Variants in ANKEF1 observed in about 807,000 individuals in gnomAD.
The protein encoded by ANKEF1 is ankyrin repeat and EF-hand domain-containing protein 1.
Under a neutral mutation model 65.1 loss-of-function variants are expected in ANKEF1, and 43 were observed. The observed-to-expected ratio is 0.66, with a 90% CI of 0.52 to 0.85. The LOEUF is 0.85. Among genes scored for constraint, ANKEF1 ranks in the 40% least tolerant of loss-of-function variants. ANKEF1 has a pLI of 0.00. For missense variants in ANKEF1, 934 were observed against 952.9 expected (o/e 0.98, Z 0.26); for synonymous variants, 316 against 341.5 (o/e 0.93, Z 0.82).
At position 10,056,584 on chromosome 20, in the gene ANKEF1, G is replaced by A. The variant is rs1041132535; in HGVS notation, c.*924G>A. On this transcript the variant is annotated 3_prime_UTR_variant, in exon 11 of 11. Transcript: ENST00000378392. The stretch of plus-strand genomic sequence containing the variant: ...TTTACATAATTTTGGGCCCCAGATG[G>A]TTAAGTGCTAAATTTGTAGGGTAGG... The A allele has an allele frequency of 2.0e-5, 3 of 152,022 alleles. No homozygotes were observed. Among genetic ancestry groups the A allele is most frequent in the Non-Finnish European group, 2.9e-5 (2 of 68,016 alleles). 9.4% of individuals were successfully genotyped at this position (152,022 alleles called of 1,614,324 possible).
chr20:10,047,817 C>A (rs375267002), intron 6 of ANKEF1, among the ~76,000 whole-genome samples: 6 of 152,142 alleles, frequency 3.9e-5, no homozygotes, highest in African/African-American at 1.4e-4. Context: ...AGCTCCAAGT[C>A]AAAACGACAG....
At position 10,057,793 on chromosome 20, in the gene ANKEF1, T is replaced by C. The variant is rs185753731; in HGVS notation, c.*2133T>C. 6.6e-6 allele frequency: 1 copy of C among 152,364 alleles called. No homozygotes were observed. The highest frequency in any genetic ancestry group is 6.5e-5 in the Admixed American group (1 of 15,308). 9.4% of individuals were successfully genotyped at this position (152,364 alleles called of 1,614,324 possible). On this transcript the variant is annotated 3_prime_UTR_variant, in exon 11 of 11. Transcript: ENST00000378392. The stretch of plus-strand genomic sequence containing the variant: ...TAGACCTTATTCAGATTTTGCTATT[T>C]ATCCCAATAATTTCCTTTGTACTCC...
chr20:10,055,850 A>G lies in ANKEF1; in HGVS notation c.*190A>G. On this transcript the variant is annotated 3_prime_UTR_variant, in exon 11 of 11. Coordinates refer to ENST00000378392, the MANE Select transcript of ANKEF1 (RefSeq NM_022096.6). ...AAAGATGTATGTTATTTTGAAATGAATGGTATGTCATTCTGGATAAATCCC... is the reference window on the plus strand; with the variant it reads ...AAAGATGTATGTTATTTTGAAATGAGTGGTATGTCATTCTGGATAAATCCC... The G allele has an allele frequency of 3.4e-6, 2 of 581,830 alleles. No individual in the cohort carries two copies. The highest frequency in any genetic ancestry group is 4.4e-5 in the South Asian group (2 of 45,966). The allele number at this position is 581,830 out of a possible 1,614,324, so 36.0% of individuals were successfully genotyped here. A position where few individuals can be genotyped will look rare whatever the true frequency, so the allele number is the denominator to read the frequency against.
rs1355320256 is a variant in ANKEF1 at position 10,049,946 on chromosome 20, C to T, written c.1377C>T (p.Tyr459=). Residue 459 remains tyrosine, a synonymous_variant, in exon 7 of 11, where the codon TAC becomes TAT. Transcript: ENST00000378392. The stretch of plus-strand genomic sequence containing the variant: ...CACCGTATTACATGATTGAGACCTA[C>T]AAGAATGTCACTGATAGCAGCCGGT... ...GGPPYYMIET[Y]KNVTDSSRFN... 9.3e-6 allele frequency: 15 copies of T among 1,614,096 alleles called. No individual in the cohort carries two copies. The highest frequency in any genetic ancestry group is 1.1e-5 in the Non-Finnish European group (13 of 1,180,032).
Position 10,050,162 on chromosome 20 carries a change from G to A in ANKEF1, c.1593G>A (p.Thr531=), listed in dbSNP as rs1423211303. The A allele has an allele frequency of 4.3e-6, 7 of 1,614,054 alleles. No individual in the cohort carries two copies. In the South Asian group the frequency reaches 4.4e-5, roughly 10 times the overall value. The change falls in exon 7 of 11, where the codon ACG becomes ACA. Residue 531 remains threonine, a synonymous_variant. Transcript: ENST00000378392. ...ATTATTACAAAACTCCGCTAATGAC[G>A]GCGTGTGCAAGTGGAAACATAGATG... is the stretch of plus-strand genomic sequence containing the variant. ...KDNYYKTPLM[T]ACASGNIDVV...
Position 10,045,606 on chromosome 20 carries a change from C to G in ANKEF1, c.729C>G (p.Asp243Glu). Residue 243 changes from aspartate to glutamate, a missense_variant, in exon 6 of 11, where the codon GAC (aspartate) becomes GAG (glutamate). By Grantham distance (45) the Asp-to-Glu change is conservative. Coordinates refer to ENST00000378392, the MANE Select transcript of ANKEF1 (RefSeq NM_022096.6). ...AGCTTCTTTTTGCCTACAATGGAGA[C>G]GTGGGGCTGATTTCGATAAATGGGA... ...ILKLLFAYNG[D>E]VGLISINGNT... 1.2e-6 allele frequency: 2 copies of G among 1,613,576 alleles called. No homozygotes were observed. Among genetic ancestry groups the G allele is most frequent in the Non-Finnish European group, 1.7e-6 (2 of 1,179,696 alleles).
At chr20:10,036,016 C>T (rs1280188580) in intron 2 of ANKEF1, among the ~76,000 whole-genome samples, 1 of 152,186 alleles carries the variant, frequency 6.6e-6, no homozygotes, top group East Asian at 1.9e-4. Flanking sequence ...CTATATGCTG[C>T]TCAATTTACA....
At chr20:10,041,589 TCA>T (rs1984196826) in intron 3 of ANKEF1, among the ~76,000 whole-genome samples, 2 of 152,278 alleles carry the variant, frequency 1.3e-5, no homozygotes, top group East Asian at 3.9e-4. Context: ...ACATAATATC[TCA>T]GTCTTAGCCC....
At position 10,056,679 on chromosome 20, in the gene ANKEF1, A is replaced by G. The variant is rs1001732509; in HGVS notation, c.*1019A>G. 1.3e-5 allele frequency: 2 copies of G among 152,170 alleles called. No individual in the cohort carries two copies. Among genetic ancestry groups the G allele is most frequent in the Admixed American group, 6.5e-5 (1 of 15,274 alleles). 9.4% of individuals were successfully genotyped at this position (152,170 alleles called of 1,614,324 possible). A position where few individuals can be genotyped will look rare whatever the true frequency, so the allele number is the denominator to read the frequency against. ...AGTCCACAAGTGGAATTTCTTCTTC[A>G]TCATGGAAACCTCAGTTTTGTTCAT... On this transcript the variant is annotated 3_prime_UTR_variant, in exon 11 of 11. Coordinates refer to ENST00000378392, the MANE Select transcript of ANKEF1 (RefSeq NM_022096.6).
chr20:10,045,839 A>G lies in ANKEF1; in HGVS notation c.820+142A>G. ...TCACTCATATGTAGAAAGAAAATTG[A>G]AAATTATTTCTTATACTACCCTCTG... On this transcript the variant is annotated intron_variant, in intron 6 of 10. Transcript: ENST00000378392. The G allele has an allele frequency of 1.0e-5, 8 of 779,056 alleles. 1 individual carries two copies. The South Asian group carries it at 1.6e-4, about 15-fold the overall frequency. The allele number at this position is 779,056 out of a possible 1,614,324, so 48.3% of individuals were successfully genotyped here. A position where few individuals can be genotyped will look rare whatever the true frequency, so the allele number is the denominator to read the frequency against.
intron 3 of ANKEF1, among the ~76,000 whole-genome samples, chr20:10,040,841 T>C (rs1313968347): frequency 1.3e-5 from 2 of 152,228 alleles, no homozygotes; most frequent in Non-Finnish European, 2.9e-5. Context: ...TTCAGCCTCC[T>C]CGGGTATTAT....
intron 4 of ANKEF1, among the ~76,000 whole-genome samples, chr20:10,043,761 C>G (rs1319053047): frequency 1.4e-5 from 2 of 144,548 alleles, no homozygotes; most frequent in African/African-American, 5.1e-5. Context: ...CAGGTTCAAG[C>G]AATTCTCCTG....
chr20:10,053,365 T>G (rs1328071373), intron 9 of ANKEF1, 90 bp downstream of exon 9: 8 of 1,164,166 alleles, frequency 6.9e-6, no homozygotes, highest in Non-Finnish European at 9.7e-6. Flanking sequence ...CATATTGTTA[T>G]ACAACATGGG....
intron 8 of ANKEF1, among the ~76,000 whole-genome samples, 177 bp from the exon 9 acceptor site, chr20:10,052,935 T>G (rs1165365216): frequency 6.6e-6 from 1 of 152,182 alleles, no homozygotes; most frequent in Admixed American, 6.5e-5. Flanking sequence ...ATCTTAAAGC[T>G]GGGACCGCCA....
rs2122242798 is a variant in ANKEF1, at chr20:10,045,672, C to T, written c.795C>T (p.Asp265=). ...LHYAAMGGFA[D]CCKYIAQRGC... ...ATGCTGCCATGGGTGGTTTTGCAGA[C>T]TGCTGTAAATATATAGCTCAGCGAG... Residue 265 remains aspartate (D), a synonymous_variant, in exon 6 of 11, where the codon GAC becomes GAT. Transcript: ENST00000378392. 6.2e-7 allele frequency: 1 copy of T among 1,613,730 alleles called. No individual in the cohort carries two copies. The highest frequency in any genetic ancestry group is 8.5e-7 in the Non-Finnish European group (1 of 1,179,780).
In ANKEF1 at chr20:10,057,921, A is replaced by C. The variant is rs1172024553; in HGVS notation, c.*2261A>C. On this transcript the variant is annotated 3_prime_UTR_variant, in exon 11 of 11. Coordinates refer to ENST00000378392, the MANE Select transcript of ANKEF1 (RefSeq NM_022096.6). ...TGTTTGTTTGTTTGTTTATGACAGT[A>C]TATAAGAAGAACACAAGCCACTTTT... is the stretch of plus-strand genomic sequence containing the variant. The C allele has an allele frequency of 6.6e-6, 1 of 152,162 alleles. No homozygotes were observed. The highest frequency in any genetic ancestry group is 1.5e-5 in the Non-Finnish European group (1 of 68,026). The allele number at this position is 152,162 out of a possible 1,614,324, so 9.4% of individuals were successfully genotyped here.
At chr20:10,043,652 C>CTTTTTTTTTTTTTTTTT (rs374135080) in intron 4 of ANKEF1, among the ~76,000 whole-genome samples, 2 of 81,368 alleles carry the variant, frequency 2.5e-5, no homozygotes, top group Admixed American at 1.7e-4. Flanking sequence ...TTTTCTTTTC[C>CTTTTTTTTTTTTTTTTT]TTTTTTTTTT....
chr20:10,037,040 A>G (rs1217810991), intron 2 of ANKEF1, among the ~76,000 whole-genome samples: 1 of 152,156 alleles, frequency 6.6e-6, no homozygotes, highest in Admixed American at 6.5e-5. Context: ...AGACACATTT[A>G]AAGGAGAGAG....
At position 10,043,290 on chromosome 20, in the gene ANKEF1, A is replaced by T; in HGVS notation, c.515A>T (p.Glu172Val). 1 of 1,614,036 alleles carries T rather than the reference A, an allele frequency of 6.2e-7. No individual in the cohort carries two copies. The highest frequency in any genetic ancestry group is 8.5e-7 in the Non-Finnish European group (1 of 1,179,968). The change falls in exon 4 of 11, where the codon GAA becomes GTA. Residue 172 changes from glutamate to valine, a missense_variant. Glu to Val is a moderately radical substitution (Grantham distance 121). Transcript: ENST00000378392. Reference sequence around the variant, plus strand: ...AAAGATGTGTGCCTGACATTTTTGGAAAAAGGAGCCAATCCTAATGCAATC... The same window carrying T: ...AAAGATGTGTGCCTGACATTTTTGGTAAAAGGAGCCAATCCTAATGCAATC... ...DVKDVCLTFL[E>V]KGANPNAINS...
Sources: allele counts gnomAD v4.1 joint callset (sites outside exome capture counted in the v4.1 genomes callset), GRCh38; gene constraint gnomAD v4.1.1; transcripts MANE v1.5; gene names NCBI Gene and HGNC (gene_info 2026-07-23, HGNC 2026-07-21).